Variants in NUDC observed in about 807,000 individuals in gnomAD.
NUDC encodes nuclear migration protein nudC.
A neutral mutation model predicts 45.0 loss-of-function variants in NUDC; 14 were observed. The ratio of observed to expected loss-of-function variants is 0.31; its 90% CI spans 0.21 to 0.49. The LOEUF (loss-of-function observed/expected upper bound fraction) is 0.49. Ranked by LOEUF, NUDC falls within the 20% of genes least tolerant of loss-of-function variation. NUDC has a pLI of 0.99. For synonymous variants in NUDC, 153 were observed against 156.7 expected (o/e 0.98, Z 0.17); for missense variants, 323 against 426.2 (o/e 0.76, Z 2.13).
In NUDC at chr1:26,946,422, G is replaced by C; in HGVS notation, c.*241G>C. On this transcript the variant is annotated 3_prime_UTR_variant, in exon 9 of 9. Transcript: ENST00000321265. ...CCTTCTGTGTCCTCTCTTGCCTCTG[G>C]CCTTTCTCTGGGGCACAGGCCTCTT... 1.8e-6 allele frequency: 1 copy of C among 546,140 alleles called. No individual in the cohort carries two copies. The highest frequency in any genetic ancestry group is 3.3e-6 in the Non-Finnish European group (1 of 303,224). The allele number at this position is 546,140 out of a possible 1,614,324, so 33.8% of individuals were successfully genotyped here.
At chr1:26,909,409 G>A (rs2082016194) in intron 2 of NUDC, among the ~76,000 whole-genome samples, 1 of 152,164 alleles carries the variant, frequency 6.6e-6, no homozygotes, top group East Asian at 1.9e-4. Flanking sequence ...TGAGCCATCA[G>A]TGGTGCCTGG....
At chr1:26,921,977 C>G in intron 1 of NUDC, 48 bp downstream of exon 1, 1 of 1,526,678 alleles carries the variant, frequency 6.6e-7, no homozygotes, top group Non-Finnish European at 8.9e-7. Context: ...TGGCCACGCT[C>G]CTTCCGCCCT....
intron 2 of NUDC, among the ~76,000 whole-genome samples, chr1:26,904,852 AT>A (rs35902327): frequency 0.072 from 10,265 of 143,164 alleles, 377 homozygotes; most frequent in Non-Finnish European, 0.081. Flanking sequence ...TTATTATATA[AT>A]TTTTTTTTTT....
At position 26,906,857 on chromosome 1, in the gene NUDC, T is replaced by C. The variant is rs568681621; in HGVS notation, c.-15-4271T>C. Among the ~76,000 whole-genome samples, 8 of 151,842 alleles carry C rather than the reference T, an allele frequency of 5.3e-5. No homozygotes were observed. The South Asian group carries it at 1.7e-3, about 32-fold the overall frequency. The stretch of plus-strand genomic sequence containing the variant: ...GAGCAAGACTCCGTCTCAAAAAAAA[T>C]AATAATAATAAAAATAAATAAATAA... On this transcript the variant is annotated intron_variant, in intron 2 of 6. Transcript: ENST00000435827.
intron 2 of NUDC, among the ~76,000 whole-genome samples, chr1:26,904,977 C>T (rs1315408158): frequency 6.7e-6 from 1 of 150,150 alleles, no homozygotes; most frequent in Non-Finnish European, 1.5e-5. Context: ...GCTGGGATTA[C>T]AGGCATGCGC....
At chr1:26,927,664 G>A (rs941471984) in intron 2 of NUDC, among the ~76,000 whole-genome samples, 2 of 151,860 alleles carry the variant, frequency 1.3e-5, no homozygotes, top group African/African-American at 4.8e-5. Flanking sequence ...TCAAAGTGCT[G>A]GGATTACAGT....
intron 2 of NUDC, among the ~76,000 whole-genome samples, chr1:26,940,158 CT>C (rs940098889): frequency 6.6e-6 from 1 of 152,080 alleles, no homozygotes; most frequent in African/African-American, 2.4e-5. Context: ...TGGCTTTGAC[CT>C]GGCGCGGTAG....
At position 26,936,279 on chromosome 1, in the gene NUDC, T is replaced by A. The variant is rs575154520; in HGVS notation, c.160-5178T>A. ...ATCTCGGCTCACCACAACATCTGTC[T>A]CCTGGGTTCAAGCAATTCTCCTGCC... is the stretch of plus-strand genomic sequence containing the variant. On this transcript the variant is annotated intron_variant, in intron 2 of 8. Transcript: ENST00000321265. Among the ~76,000 whole-genome samples, 22 of 137,732 alleles carry A rather than the reference T, an allele frequency of 1.6e-4. No individual in the cohort carries two copies. In the East Asian group the frequency reaches 4.1e-3, roughly 26 times the overall value. The allele number at this position is 137,732 out of a possible 152,430, so 90.4% of individuals were successfully genotyped here. A position where few individuals can be genotyped will look rare whatever the true frequency, so the allele number is the denominator to read the frequency against.
intron 1 of NUDC, among the ~76,000 whole-genome samples, chr1:26,901,845 G>A (rs1001716532): frequency 6.6e-6 from 1 of 152,116 alleles, no homozygotes; most frequent in Non-Finnish European, 1.5e-5. Context: ...AAAATAAAGG[G>A]CCAAGCTCAG....
intron 2 of NUDC, among the ~76,000 whole-genome samples, chr1:26,925,411 G>A (rs1368399744): frequency 4.6e-5 from 7 of 150,782 alleles, no homozygotes; most frequent in Non-Finnish European, 5.9e-5. Context: ...GAGGTGGCGG[G>A]CGCCTGTAGT....
chr1:26,911,839 A>C, intron 3 of NUDC: 2 of 1,614,180 alleles, frequency 1.2e-6, no homozygotes, highest in Non-Finnish European at 1.7e-6. Context: ...CCTGGGCTGG[A>C]ACAGGTCACC....
intron 2 of NUDC, among the ~76,000 whole-genome samples, chr1:26,933,711 G>C (rs887816078): frequency 6.6e-6 from 1 of 152,114 alleles, no homozygotes; most frequent in Non-Finnish European, 1.5e-5. Context: ...ACTGCATCCA[G>C]CCAGTTTTTA....
At chr1:26,927,779 T>G (rs2082146563) in intron 2 of NUDC, among the ~76,000 whole-genome samples, 1 of 151,998 alleles carries the variant, frequency 6.6e-6, no homozygotes, top group South Asian at 2.1e-4. Context: ...AAGACCACAA[T>G]CCACTTCAGA....
At chr1:26,931,977 C>T (rs2082187552) in intron 2 of NUDC, among the ~76,000 whole-genome samples, 5 of 149,696 alleles carry the variant, frequency 3.3e-5, no homozygotes, top group Admixed American at 2.7e-4. Flanking sequence ...TGAGCCACCA[C>T]GCTTGGCCCC....
chr1:26,926,022 T>C (rs1483598328), intron 2 of NUDC, among the ~76,000 whole-genome samples: 1 of 136,664 alleles, frequency 7.3e-6, no homozygotes, highest in Non-Finnish European at 1.7e-5. Flanking sequence ...ATGCCCAGCC[T>C]TTTTTTTTTT....
At chr1:26,907,567 A>G (rs1485736043) in intron 2 of NUDC, among the ~76,000 whole-genome samples, 1 of 151,052 alleles carries the variant, frequency 6.6e-6, no homozygotes, top group Non-Finnish European at 1.5e-5. Flanking sequence ...GAATGCCCCA[A>G]GGACAGGGTG....
upstream of NUDC, among the ~76,000 whole-genome samples, chr1:26,918,358 C>G (rs2082072656): frequency 6.6e-6 from 1 of 151,196 alleles, no homozygotes; most frequent in Non-Finnish European, 1.5e-5. Context: ...ACTGCAACCT[C>G]CGCCTCCCAG....
chr1:26,909,355 C>T (rs1037801328), intron 2 of NUDC, among the ~76,000 whole-genome samples: 2 of 152,074 alleles, frequency 1.3e-5, no homozygotes, highest in Non-Finnish European at 2.9e-5. Flanking sequence ...TGGGCTCAAG[C>T]GATCCTATCA....
chr1:26,924,540 A>G (rs374250775), intron 2 of NUDC, among the ~76,000 whole-genome samples: 3 of 152,146 alleles, frequency 2.0e-5, no homozygotes, highest in Admixed American at 6.6e-5. Context: ...TCCTTTTCCA[A>G]TGAGGAGGTT....
Sources: allele counts gnomAD v4.1 joint callset (sites outside exome capture counted in the v4.1 genomes callset), GRCh38; gene constraint gnomAD v4.1.1; transcripts MANE v1.5; gene names NCBI Gene and HGNC (gene_info 2026-07-23, HGNC 2026-07-21).